Variants in PCDHA10 observed in about 807,000 individuals in gnomAD.
PCDHA10 encodes protocadherin alpha 10, also known as protocadherin alpha-10.
A neutral mutation model predicts 61.2 loss-of-function variants in PCDHA10; 45 were observed. The observed-to-expected ratio is 0.74, with a 90% CI of 0.58 to 0.94. The LOEUF (loss-of-function observed/expected upper bound fraction) is 0.94. Among genes scored for constraint, PCDHA10 ranks in the 40% least tolerant of loss-of-function variants. PCDHA10 has a pLI of 0.00. For missense variants in PCDHA10, 1,278 were observed against 1,236.2 expected (o/e 1.03, Z -0.51); for synonymous variants, 602 against 548.8 (o/e 1.10, Z -1.35).
At chr5:140,947,106 C>T (rs1172898991) in intron 1 of PCDHA10, among the ~76,000 whole-genome samples, 2 of 151,140 alleles carry the variant, frequency 1.3e-5, no homozygotes, top group Non-Finnish European at 3.0e-5. Context: ...TAAATAGGTA[C>T]GTGTCAATTA....
At chr5:140,972,906 C>T (rs1554234702) in intron 1 of PCDHA10, among the ~76,000 whole-genome samples, 1 of 152,048 alleles carries the variant, frequency 6.6e-6, no homozygotes, top group African/African-American at 2.4e-5. Context: ...TTGTGATCCA[C>T]CCGCCTTGGC....
intron 1 of PCDHA10, chr5:140,876,391 G>T: frequency 6.2e-7 from 1 of 1,613,920 alleles, no homozygotes; most frequent in South Asian, 1.1e-5. Context: ...AATTTATGGT[G>T]AACTGGATTT....
chr5:140,990,155 G>A (rs1483856647), intron 3 of PCDHA10, among the ~76,000 whole-genome samples: 2 of 152,076 alleles, frequency 1.3e-5, no homozygotes, highest in Admixed American at 6.5e-5. Context: ...ATAATAGAAA[G>A]TTAGGGTATG....
intron 1 of PCDHA10, among the ~76,000 whole-genome samples, chr5:140,941,214 CCTTTCTTTCTTT>C (rs60032403): frequency 3.3e-5 from 4 of 122,414 alleles, no homozygotes; most frequent in Non-Finnish European, 6.8e-5. Flanking sequence ...TTTCTTTCTT[CCTTTCTTTCTTT>C]CTTTCTTTCT....
rs189687890 is a variant in PCDHA10 at position 140,972,728 on chromosome 5, A to G, written c.2389-6221A>G. ...TGCCAGGCTGGAGTGCAGTGGCGTA[A>G]TCCCGGCTCACTGCAACCTCCGCCT... On this transcript the variant is annotated intron_variant, in intron 1 of 3. Transcript: ENST00000307360. Among the ~76,000 whole-genome samples the G allele has an allele frequency of 6.0e-3, 882 of 147,958 alleles. 8 individuals carry two copies. Among genetic ancestry groups the G allele is most frequent in the African/African-American group, 0.021 (847 of 39,742 alleles).
chr5:140,876,077 G>C, intron 1 of PCDHA10: 4 of 1,613,956 alleles, frequency 2.5e-6, no homozygotes, highest in Non-Finnish European at 3.4e-6. Flanking sequence ...TTATTGGACA[G>C]AGAGCAAACG....
chr5:140,959,141 C>G (rs936183508), intron 1 of PCDHA10, among the ~76,000 whole-genome samples: 1 of 151,924 alleles, frequency 6.6e-6, no homozygotes, highest in Admixed American at 6.6e-5. Context: ...CTTTGGGAGG[C>G]CAAAGTGGGC....
chr5:140,991,152 C>A (rs533894396), intron 3 of PCDHA10, among the ~76,000 whole-genome samples: 29 of 152,168 alleles, frequency 1.9e-4, no homozygotes, highest in Non-Finnish European at 3.2e-4. Flanking sequence ...TTTTGCTCAC[C>A]ATTGTATTCC....
intron 1 of PCDHA10, chr5:140,877,011 G>T: frequency 2.5e-6 from 4 of 1,612,512 alleles, no homozygotes. Flanking sequence ...TGCACGCGGA[G>T]AGCGGCAAGG....
chr5:140,871,145 C>G, intron 1 of PCDHA10: 1 of 1,613,418 alleles, frequency 6.2e-7, no homozygotes, highest in Non-Finnish European at 8.5e-7. Flanking sequence ...TCTTCCCGGA[C>G]TTTGGCGGGC....
intron 1 of PCDHA10, chr5:140,883,300 T>C (rs782541976): frequency 6.2e-7 from 1 of 1,613,974 alleles, no homozygotes; most frequent in African/African-American, 1.3e-5. Flanking sequence ...TAGATGTAAA[T>C]GATAACGCCC....
intron 1 of PCDHA10, among the ~76,000 whole-genome samples, chr5:140,921,145 T>G (rs2080047732): frequency 4.1e-5 from 1 of 24,298 alleles, no homozygotes; most frequent in Admixed American, 5.4e-4. Flanking sequence ...TACACCCAGC[T>G]AATGCATTTT....
rs782395968 is a variant in PCDHA10, at chr5:141,011,916, A to G, written c.*1979A>G. ...TATTATCTATTTAGGCATTAATATA[A>G]AAGAGGTAGGAGTCTGTTATTTAAA... On this transcript the variant is annotated 3_prime_UTR_variant, in exon 4 of 4. Coordinates refer to ENST00000307360, the MANE Select transcript of PCDHA10 (RefSeq NM_018901.4). 4 of 153,828 alleles carry G rather than the reference A, an allele frequency of 2.6e-5. No individual in the cohort carries two copies. The highest frequency in any genetic ancestry group is 4.4e-5 in the Non-Finnish European group (3 of 68,030). 9.5% of individuals were successfully genotyped at this position (153,828 alleles called of 1,614,324 possible). A position where few individuals can be genotyped will look rare whatever the true frequency, so the allele number is the denominator to read the frequency against.
At chr5:140,995,946 C>A (rs2097705145) in intron 3 of PCDHA10, among the ~76,000 whole-genome samples, 1 of 152,192 alleles carries the variant, frequency 6.6e-6, no homozygotes, top group South Asian at 2.1e-4. Flanking sequence ...TGACATAATG[C>A]ACGCAAAATG....
At chr5:140,925,938 T>C (rs1357099773) in intron 1 of PCDHA10, among the ~76,000 whole-genome samples, 1 of 138,492 alleles carries the variant, frequency 7.2e-6, no homozygotes, top group Non-Finnish European at 1.5e-5. Context: ...GTAGAGCCTC[T>C]TGGAGAAGGA....
chr5:140,930,824 T>C (rs545304113), intron 1 of PCDHA10, among the ~76,000 whole-genome samples: 16 of 152,342 alleles, frequency 1.1e-4, no homozygotes, highest in African/African-American at 3.8e-4. Context: ...TAGTAAATGC[T>C]GACTGAATGA....
intron 1 of PCDHA10, among the ~76,000 whole-genome samples, chr5:140,900,906 G>C (rs2068354860): frequency 6.6e-6 from 1 of 152,096 alleles, no homozygotes; most frequent in African/African-American, 2.4e-5. Context: ...CATTTTAACT[G>C]TGGTAAGATG....
intron 1 of PCDHA10, chr5:140,870,821 G>T: frequency 1.9e-6 from 3 of 1,613,736 alleles, no homozygotes; most frequent in South Asian, 1.1e-5. Context: ...GGCAGCGCGG[G>T]AGGCGCAGTT....
At chr5:140,922,476 G>C (rs1473614127) in intron 1 of PCDHA10, among the ~76,000 whole-genome samples, 2 of 152,184 alleles carry the variant, frequency 1.3e-5, no homozygotes, top group African/African-American at 4.8e-5. Context: ...AGGAGAGAAG[G>C]CAGGACTAAA....
Sources: allele counts gnomAD v4.1 joint callset (sites outside exome capture counted in the v4.1 genomes callset), GRCh38; gene constraint gnomAD v4.1.1; transcripts MANE v1.5; gene names NCBI Gene and HGNC (gene_info 2026-07-23, HGNC 2026-07-21).